KLF12: variants seen among roughly 807,000 people sequenced by gnomAD.
The protein encoded by KLF12 is KLF transcription factor 12.
A neutral mutation model predicts 37.8 loss-of-function variants in KLF12; 9 were observed. The ratio of observed to expected loss-of-function variants is 0.24; its 90% CI spans 0.14 to 0.42. The LOEUF (loss-of-function observed/expected upper bound fraction) is 0.42, where lower values mean the gene tolerates loss of function less well. Among genes scored for constraint, KLF12 ranks in the 10% least tolerant of loss-of-function variants. KLF12 has a pLI of 1.00. For missense variants in KLF12, 411 were observed against 516.0 expected (o/e 0.80, Z 1.97); for synonymous variants, 208 against 202.1 (o/e 1.03, Z -0.25).
At chr13:74,149,930 T>C in the KLF12 span, among the ~76,000 whole-genome samples, 1 of 152,218 alleles carries the variant, frequency 6.6e-6, no homozygotes, top group Non-Finnish European at 1.5e-5. Context: ...CTGGTTGCAT[T>C]TCCTCACCTT....
At position 73,690,943 on chromosome 13, in the gene KLF12, A is replaced by G. The variant is rs773778103; in HGVS notation, c.*4547T>C. ...ATTGCAATTGCTCAGTAATTAGCAT[A>G]TTTAAAGTATCAGTGGACATGGGTT... On this transcript the variant is annotated 3_prime_UTR_variant, in exon 8 of 8. Transcript: ENST00000377669. 3 of 152,648 alleles carry G rather than the reference A, an allele frequency of 2.0e-5. No homozygotes were observed. Among genetic ancestry groups the G allele is most frequent in the Non-Finnish European group, 2.9e-5 (2 of 68,024 alleles). 9.5% of individuals were successfully genotyped at this position (152,648 alleles called of 1,614,324 possible).
At chr13:73,757,434 G>GT (rs1228434744) in intron 6 of KLF12, among the ~76,000 whole-genome samples, 1 of 152,178 alleles carries the variant, frequency 6.6e-6, no homozygotes, top group Non-Finnish European at 1.5e-5. Context: ...GCCAAGAAAT[G>GT]TAATAAATAG....
At chr13:74,075,723 AC>A (rs1874523383) in intron 1 of KLF12, among the ~76,000 whole-genome samples, 1 of 152,190 alleles carries the variant, frequency 6.6e-6, no homozygotes, top group Admixed American at 6.5e-5. Flanking sequence ...ACATCAATGT[AC>A]TTTGTTTCTC....
Position 73,971,623 on chromosome 13 carries a change from A to C in KLF12, c.33+23367T>G, listed in dbSNP as rs115851161. 8.8e-3 allele frequency among the ~76,000 whole-genome samples: 1,337 copies of C among 152,310 alleles called. 15 individuals are homozygous for C. Among genetic ancestry groups the C allele is most frequent in the African/African-American group, 0.031 (1,275 of 41,566 alleles). Reference sequence around the variant, plus strand: ...GGTATTTCTCCTGAGGCTCCAAACAAGGAAACTCCATCTTAATAGTGACTA... The same window carrying C: ...GGTATTTCTCCTGAGGCTCCAAACACGGAAACTCCATCTTAATAGTGACTA... On this transcript the variant is annotated intron_variant, in intron 2 of 7. Coordinates refer to ENST00000377669, the MANE Select transcript of KLF12 (RefSeq NM_007249.5).
At chr13:73,781,866 T>C (rs1880988016) in intron 5 of KLF12, among the ~76,000 whole-genome samples, 1 of 152,162 alleles carries the variant, frequency 6.6e-6, no homozygotes, top group Non-Finnish European at 1.5e-5. Flanking sequence ...AAAATTAATA[T>C]ATTAATAGAA....
chr13:73,782,621 G>A (rs1385388788), intron 5 of KLF12, among the ~76,000 whole-genome samples: 2 of 152,204 alleles, frequency 1.3e-5, no homozygotes, highest in Admixed American at 6.5e-5. Flanking sequence ...AGCTGTAGTA[G>A]AGTGCATTCT....
chr13:73,974,697 G>A (rs1308855244), intron 2 of KLF12, among the ~76,000 whole-genome samples: 1 of 152,122 alleles, frequency 6.6e-6, no homozygotes, highest in Non-Finnish European at 1.5e-5. Context: ...ACTTAGAGTA[G>A]AAAAGTAGCT....
At chr13:74,097,204 A>G (rs1593896847) in intron 1 of KLF12, among the ~76,000 whole-genome samples, 1 of 152,342 alleles carries the variant, frequency 6.6e-6, no homozygotes, top group South Asian at 2.1e-4. Flanking sequence ...CAAGGACTTT[A>G]TGACCAGTGT....
chr13:74,059,368 C>CCA (rs1873442934), intron 1 of KLF12, among the ~76,000 whole-genome samples: 2 of 152,226 alleles, frequency 1.3e-5, no homozygotes, highest in Non-Finnish European at 2.9e-5. Context: ...AAACTGCTTT[C>CCA]CACAGGGGTT....
chr13:73,852,962 C>T (rs1187729919), intron 3 of KLF12, among the ~76,000 whole-genome samples: 1 of 151,060 alleles, frequency 6.6e-6, no homozygotes, highest in East Asian at 2.0e-4. Context: ...CTCCGCCTGC[C>T]GGGTTCATGC....
intron 6 of KLF12, among the ~76,000 whole-genome samples, chr13:73,722,488 A>G (rs1876339940): frequency 6.6e-6 from 1 of 152,204 alleles, no homozygotes; most frequent in Admixed American, 6.5e-5. Context: ...GTTTAGATAC[A>G]TTTACTACCA....
the KLF12 span, among the ~76,000 whole-genome samples, chr13:74,186,982 T>C: frequency 2.6e-5 from 4 of 152,222 alleles, no homozygotes; most frequent in Non-Finnish European, 5.9e-5. Flanking sequence ...TTCTATTAAA[T>C]GAGCTATCAT....
intron 3 of KLF12, among the ~76,000 whole-genome samples, chr13:73,922,796 A>T (rs777026573): frequency 1.4e-4 from 22 of 152,186 alleles, no homozygotes; most frequent in Non-Finnish European, 3.2e-4. Flanking sequence ...AAAACCAGAC[A>T]TTTCTTTTCA....
At chr13:73,951,466 T>C (rs146680912) in intron 2 of KLF12, among the ~76,000 whole-genome samples, 186 of 152,304 alleles carry the variant, frequency 1.2e-3, no homozygotes, top group African/African-American at 3.2e-3. Flanking sequence ...CTATTGTTCA[T>C]TGCTTCCAGA....
At chr13:74,170,561 T>C in the KLF12 span, among the ~76,000 whole-genome samples, 1 of 152,218 alleles carries the variant, frequency 6.6e-6, no homozygotes, top group East Asian at 1.9e-4. Flanking sequence ...CAGATTCTAA[T>C]ACAATGAGTA....
At chr13:73,847,395 G>C (rs1885088956) in intron 3 of KLF12, among the ~76,000 whole-genome samples, 1 of 151,864 alleles carries the variant, frequency 6.6e-6, no homozygotes, top group Non-Finnish European at 1.5e-5. Flanking sequence ...ATATTAAATT[G>C]GTTCATTTTG....
chr13:74,070,424 C>T (rs1874163793), intron 1 of KLF12, among the ~76,000 whole-genome samples: 1 of 152,172 alleles, frequency 6.6e-6, no homozygotes, highest in African/African-American at 2.4e-5. Context: ...AAGAAGCTCT[C>T]CTTCAGCCAA....
At chr13:73,936,391 T>C (rs989859770) in intron 3 of KLF12, among the ~76,000 whole-genome samples, 2 of 152,114 alleles carry the variant, frequency 1.3e-5, no homozygotes, top group East Asian at 1.9e-4. Context: ...ATGCCTCACA[T>C]ATGAAGAGGT....
intron 7 of KLF12, among the ~76,000 whole-genome samples, chr13:73,701,737 C>A (rs1419091820): frequency 6.6e-6 from 1 of 152,016 alleles, no homozygotes; most frequent in East Asian, 1.9e-4. Context: ...TGATACCATG[C>A]CAGTGCTTGG....
Sources: gnomAD v4.1 joint callset for allele counts (sites outside exome capture counted in the v4.1 genomes callset) on GRCh38, gnomAD v4.1.1 for gene constraint, MANE v1.5 for transcripts, NCBI Gene and HGNC (gene_info 2026-07-23, HGNC 2026-07-21) for gene names.